CTNNA3: variants seen among roughly 807,000 people sequenced by gnomAD.
The protein encoded by CTNNA3 is catenin alpha-3.
A neutral mutation model predicts 95.7 loss-of-function variants in CTNNA3; 76 were observed. The ratio of observed to expected loss-of-function variants is 0.79; its 90% CI spans 0.66 to 0.96. The LOEUF (loss-of-function observed/expected upper bound fraction) is 0.96, where lower values mean the gene tolerates loss of function less well. Ranked by LOEUF, CTNNA3 falls within the 40% of genes least tolerant of loss-of-function variation. The pLI is 0.00. For missense variants in CTNNA3, 1,191 were observed against 1,089.8 expected, an observed-to-expected ratio of 1.09 and a Z score of -1.31; for synonymous variants, 431 against 374.4, an observed-to-expected ratio of 1.15 and a Z score of -1.74.
intron 7 of CTNNA3, among the ~76,000 whole-genome samples, chr10:67,048,937 T>C (rs1164403113): frequency 1.3e-5 from 2 of 152,038 alleles, no homozygotes; most frequent in South Asian, 4.1e-4. Flanking sequence ...CTTAATTTTA[T>C]ACTTAGTTAT....
Position 67,727,885 on chromosome 10 carries a change from ATAT to A in CTNNA3, c.-2+35546_-2+35548del, listed in dbSNP as rs1016777050. Among the ~76,000 whole-genome samples the A allele has an allele frequency of 3.8e-5, 5 of 132,424 alleles. No homozygotes were observed. The East Asian group carries it at 6.1e-4, about 16-fold the overall frequency. The allele number at this position is 132,424 out of a possible 152,430, so 86.9% of individuals were successfully genotyped here. A position where few individuals can be genotyped will look rare whatever the true frequency, so the allele number is the denominator to read the frequency against. ...TTATGTATAATATAGTATATATCACATATTATATTATGTATAATATATTATGTA... is the reference window on the plus strand; with the variant it reads ...TTATGTATAATATAGTATATATCACATATATTATGTATAATATATTATGTA... On this transcript the variant is annotated intron_variant, in intron 1 of 17. Coordinates refer to the CTNNA3 transcript ENST00000684154.
chr10:67,385,670 C>A (rs901013269), intron 5 of CTNNA3, among the ~76,000 whole-genome samples: 3 of 152,012 alleles, frequency 2.0e-5, no homozygotes, highest in Admixed American at 6.6e-5. Flanking sequence ...CTCTTCCCCA[C>A]TTCATTCTCC....
intron 7 of CTNNA3, among the ~76,000 whole-genome samples, chr10:66,796,535 T>C (rs1351566500): frequency 6.6e-6 from 1 of 151,956 alleles, no homozygotes; most frequent in Non-Finnish European, 1.5e-5. Context: ...ATTAAAAGAA[T>C]TACCAAAATA....
At chr10:67,645,588 T>C (rs1839680086) in intron 2 of CTNNA3, among the ~76,000 whole-genome samples, 2 of 152,160 alleles carry the variant, frequency 1.3e-5, no homozygotes, top group South Asian at 2.1e-4. Flanking sequence ...AAAAACTTGG[T>C]GATATGTATG....
intron 11 of CTNNA3, among the ~76,000 whole-genome samples, chr10:66,455,912 A>G (rs1322376431): frequency 6.6e-6 from 1 of 152,220 alleles, no homozygotes; most frequent in Non-Finnish European, 1.5e-5. Context: ...TTATTTCTGC[A>G]CAATATGAAT....
At chr10:66,727,308 T>TTA (rs1848811749) in intron 9 of CTNNA3, among the ~76,000 whole-genome samples, 1 of 151,990 alleles carries the variant, frequency 6.6e-6, no homozygotes, top group Non-Finnish European at 1.5e-5. Context: ...ATAGCAACAG[T>TTA]TATATCTACA....
rs1413279363 is a variant in CTNNA3 at position 66,747,686 on chromosome 10, G to T, written c.1281+18578C>A. On this transcript the variant is annotated intron_variant, in intron 9 of 17. Transcript: ENST00000433211. ...GGGAATGTGGTTTTCATATACTGGG[G>T]GATTTAGAAAACAGGACTCCAAAAG... Among the ~76,000 whole-genome samples the T allele has an allele frequency of 1.3e-5, 2 of 152,166 alleles. 1 individual carries two copies. The highest frequency in any genetic ancestry group is 6.8e-3 in the Middle Eastern group (2 of 294).
At chr10:66,918,581 A>G (rs1846614000) in intron 7 of CTNNA3, among the ~76,000 whole-genome samples, 1 of 152,240 alleles carries the variant, frequency 6.6e-6, no homozygotes. Flanking sequence ...AATGCAGAAC[A>G]TGGAAAAAGC....
At chr10:67,542,323 T>G (rs1175418956) in intron 3 of CTNNA3, among the ~76,000 whole-genome samples, 1 of 152,082 alleles carries the variant, frequency 6.6e-6, no homozygotes, top group Non-Finnish European at 1.5e-5. Context: ...ATAACCTTCA[T>G]CATAATTTAT....
At chr10:66,482,726 C>A (rs1179515181) in intron 11 of CTNNA3, among the ~76,000 whole-genome samples, 2 of 151,896 alleles carry the variant, frequency 1.3e-5, no homozygotes, top group Non-Finnish European at 2.9e-5. Context: ...AATGTACAGG[C>A]CTAGTTTGTT....
chr10:67,219,961 G>GA, intron 5 of CTNNA3, 91 bp from the exon 6 acceptor site: 1 of 1,041,776 alleles, frequency 9.6e-7, no homozygotes, highest in Non-Finnish European at 1.4e-6. Context: ...AAGTATAAAT[G>GA]AAAAGATAAT....
At chr10:66,902,410 T>C (rs983807972) in intron 7 of CTNNA3, among the ~76,000 whole-genome samples, 3 of 152,176 alleles carry the variant, frequency 2.0e-5, no homozygotes, top group Non-Finnish European at 4.4e-5. Flanking sequence ...TAGCACTAAA[T>C]GCCCACAAGA....
chr10:65,968,774 C>T (rs1352410921), intron 16 of CTNNA3, among the ~76,000 whole-genome samples: 2 of 152,154 alleles, frequency 1.3e-5, no homozygotes, highest in Non-Finnish European at 2.9e-5. Context: ...GAGTTTAGGC[C>T]ACCCCAAATC....
At chr10:66,798,225 A>G (rs972661839) in intron 7 of CTNNA3, among the ~76,000 whole-genome samples, 7 of 151,816 alleles carry the variant, frequency 4.6e-5, no homozygotes, top group African/African-American at 1.7e-4. Flanking sequence ...CTAAGTGTTT[A>G]CTAAAATACC....
chr10:67,065,986 T>C (rs952618673), intron 7 of CTNNA3, among the ~76,000 whole-genome samples: 16 of 152,114 alleles, frequency 1.1e-4, no homozygotes, highest in African/African-American at 3.9e-4. Flanking sequence ...ACTATGATTG[T>C]CATATTTTGA....
chr10:67,261,640 G>A (rs973637750), intron 5 of CTNNA3, among the ~76,000 whole-genome samples: 3 of 152,086 alleles, frequency 2.0e-5, no homozygotes, highest in East Asian at 1.9e-4. Flanking sequence ...AAAAATCCAC[G>A]GATGTTCCCT....
At chr10:66,314,264 T>G (rs1351452924) in intron 12 of CTNNA3, among the ~76,000 whole-genome samples, 1 of 152,176 alleles carries the variant, frequency 6.6e-6, no homozygotes, top group African/African-American at 2.4e-5. Flanking sequence ...CACCCCAGCT[T>G]TAGCTAATTC....
intron 10 of CTNNA3, among the ~76,000 whole-genome samples, chr10:66,563,968 T>G (rs749750823): frequency 5.3e-5 from 8 of 152,106 alleles, no homozygotes; most frequent in Non-Finnish European, 1.0e-4. Flanking sequence ...TATTGATTGA[T>G]GTCTCATGTC....
chr10:66,988,402 T>A (rs1638957235), intron 7 of CTNNA3, among the ~76,000 whole-genome samples: 2 of 152,198 alleles, frequency 1.3e-5, no homozygotes, highest in Admixed American at 1.3e-4. Context: ...ATTTTCTAGC[T>A]ATTACACAAA....
Sources: allele counts gnomAD v4.1 joint callset (sites outside exome capture counted in the v4.1 genomes callset), GRCh38; gene constraint gnomAD v4.1.1; transcripts MANE v1.5; gene names NCBI Gene and HGNC (gene_info 2026-07-23, HGNC 2026-07-21).